The following SRRM4 variants were observed in gnomAD, a reference collection of about 807,000 sequenced individuals.
SRRM4 encodes the protein serine/arginine repetitive matrix 4, also known as serine/arginine repetitive matrix protein 4.
In SRRM4, 33 loss-of-function variants were observed where a neutral mutation model predicts 68.9. The ratio of observed to expected loss-of-function variants is 0.48; its 90% CI spans 0.36 to 0.64. SRRM4 has a LOEUF of 0.64. SRRM4 is among the 30% of genes least tolerant of loss of function. The probability of loss-of-function intolerance (pLI) is 0.00; values close to 1 mark genes in which losing one functional copy is unlikely to be tolerated. For synonymous variants in SRRM4, 318 were observed against 318.8 expected, an observed-to-expected ratio of 1.00 and a Z score of 0.03; for missense variants, 817 against 827.1, an observed-to-expected ratio of 0.99 and a Z score of 0.15.
At chr12:119,136,312 AGGT>A (rs1408133496) in intron 8 of SRRM4, among the ~76,000 whole-genome samples, 1 of 152,226 alleles carries the variant, frequency 6.6e-6, no homozygotes, top group African/African-American at 2.4e-5. Flanking sequence ...CCCCTAGTCC[AGGT>A]GCTTGCACAT....
At chr12:119,134,340 T>C (rs1954315412) in intron 8 of SRRM4, among the ~76,000 whole-genome samples, 1 of 140,126 alleles carries the variant, frequency 7.1e-6, no homozygotes, top group South Asian at 2.3e-4. Context: ...TTATCTTCAC[T>C]CCACCATCTC....
chr12:118,987,033 G>C (rs1479739989), intron 1 of SRRM4, among the ~76,000 whole-genome samples: 1 of 152,166 alleles, frequency 6.6e-6, no homozygotes, highest in Non-Finnish European at 1.5e-5. Context: ...TTTCGCTGAA[G>C]TGTGAGAGAA....
intron 1 of SRRM4, among the ~76,000 whole-genome samples, chr12:119,010,012 T>C (rs1310548718): frequency 6.6e-6 from 1 of 152,202 alleles, no homozygotes; most frequent in Non-Finnish European, 1.5e-5. Context: ...TGTATTTTCT[T>C]TGTATGGGAA....
At chr12:119,075,766 GAT>G (rs1953907884) in intron 1 of SRRM4, among the ~76,000 whole-genome samples, 1 of 47,878 alleles carries the variant, frequency 2.1e-5, no homozygotes. Flanking sequence ...TGATGGTGAT[GAT>G]GGTGGTGATG....
chr12:119,034,297 C>T (rs1360501310), intron 1 of SRRM4, among the ~76,000 whole-genome samples: 1 of 152,204 alleles, frequency 6.6e-6, no homozygotes, highest in Non-Finnish European at 1.5e-5. Flanking sequence ...TGGCTTTGGC[C>T]TCTTCAGTGG....
At chr12:119,030,387 C>T (rs1460154644) in intron 1 of SRRM4, among the ~76,000 whole-genome samples, 1 of 152,166 alleles carries the variant, frequency 6.6e-6, no homozygotes, top group African/African-American at 2.4e-5. Context: ...CCCAGGAAAT[C>T]AGGCAGAGTG....
rs747326597 is a variant in SRRM4 at position 119,138,397 on chromosome 12, C to T, written c.772-6984C>T. 1.9e-4 allele frequency among the ~76,000 whole-genome samples: 29 copies of T among 152,124 alleles called. 1 individual carries two copies. Among genetic ancestry groups the T allele is most frequent in the South Asian group, 2.1e-4 (1 of 4,814 alleles). On this transcript the variant is annotated intron_variant, in intron 8 of 12. Transcript: ENST00000267260. ...GATCCTCACCCTCTGCACTTCGGGG[C>T]GCATGGCTGACTTCCAGCTTCCAGA...
chr12:119,056,534 C>G (rs1953777766), intron 1 of SRRM4, among the ~76,000 whole-genome samples: 1 of 152,192 alleles, frequency 6.6e-6, no homozygotes, highest in East Asian at 1.9e-4. Context: ...AACCTGGTGC[C>G]TGCCCACCTC....
At chr12:119,073,298 T>C (rs1953888899) in intron 1 of SRRM4, among the ~76,000 whole-genome samples, 1 of 129,246 alleles carries the variant, frequency 7.7e-6, no homozygotes, top group African/African-American at 3.1e-5. Context: ...TCTCTATTTC[T>C]CTCTCTCTCT....
intron 1 of SRRM4, among the ~76,000 whole-genome samples, chr12:119,023,820 C>T (rs1297198659): frequency 1.3e-5 from 2 of 152,142 alleles, no homozygotes; most frequent in African/African-American, 4.8e-5. Flanking sequence ...TTGTTTCAGA[C>T]CCAACATATA....
In SRRM4 at chr12:119,161,216, G is replaced by A. The variant is rs1379071208; in HGVS notation, c.*4418G>A. On this transcript the variant is annotated 3_prime_UTR_variant, in exon 13 of 13. Transcript: ENST00000267260. Reference sequence around the variant, plus strand: ...GTTCAAAATGGTCTCATGCGCATGTGTCTTGCCCCACTTTCCCCTTTAGCT... The same window carrying A: ...GTTCAAAATGGTCTCATGCGCATGTATCTTGCCCCACTTTCCCCTTTAGCT... The A allele has an allele frequency of 6.6e-6, 1 of 152,154 alleles. No individual in the cohort carries two copies. The highest frequency in any genetic ancestry group is 2.4e-5 in the African/African-American group (1 of 41,410). The allele number at this position is 152,154 out of a possible 1,614,324, so 9.4% of individuals were successfully genotyped here.
At chr12:119,037,920 T>C (rs564904055) in intron 1 of SRRM4, among the ~76,000 whole-genome samples, 24 of 152,348 alleles carry the variant, frequency 1.6e-4, no homozygotes, top group African/African-American at 5.3e-4. Context: ...TAATATTCTC[T>C]GCTGAGCCAG....
At chr12:119,098,977 G>A (rs11064661) in intron 1 of SRRM4, among the ~76,000 whole-genome samples, 32,153 of 151,994 alleles carry the variant, frequency 0.21, 4,092 homozygotes, top group Non-Finnish European at 0.28. Flanking sequence ...AATCACTAGA[G>A]TGATCGTTCT....
At chr12:119,110,955 T>A (rs1236340284) in intron 2 of SRRM4, among the ~76,000 whole-genome samples, 2 of 152,310 alleles carry the variant, frequency 1.3e-5, no homozygotes, top group South Asian at 4.1e-4. Flanking sequence ...CCTTGGAACC[T>A]CCTCACCACT....
intron 1 of SRRM4, among the ~76,000 whole-genome samples, chr12:119,009,114 T>C (rs1309383625): frequency 1.3e-5 from 2 of 151,954 alleles, no homozygotes; most frequent in African/African-American, 2.4e-5. Flanking sequence ...GTAGACACAA[T>C]CATTAGCAAA....
At chr12:119,119,780 C>T (rs1417692300) in intron 4 of SRRM4, among the ~76,000 whole-genome samples, 1 of 151,820 alleles carries the variant, frequency 6.6e-6, no homozygotes, top group Non-Finnish European at 1.5e-5. Context: ...AGGAGGAATG[C>T]ACAACAAGGG....
chr12:119,035,035 A>G (rs1953617739), intron 1 of SRRM4, among the ~76,000 whole-genome samples: 2 of 152,152 alleles, frequency 1.3e-5, no homozygotes, highest in Admixed American at 6.5e-5. Context: ...CTCTCACTAT[A>G]TGAACTATAC....
rs530740205 is a variant in SRRM4 at position 119,071,774 on chromosome 12, C to T, written c.132-30462C>T. On this transcript the variant is annotated intron_variant, in intron 1 of 12. Transcript: ENST00000267260. ...ATGGCAGCTGTGAGATTCATCATGC[C>T]GCACGCCGTTGTCACTGTTGTTACT... 2.2e-4 allele frequency among the ~76,000 whole-genome samples: 34 copies of T among 152,258 alleles called. No homozygotes were observed. The South Asian group carries it at 6.2e-3, about 28-fold the overall frequency.
chr12:119,104,422 GATA>G (rs1336406970), intron 2 of SRRM4, among the ~76,000 whole-genome samples: 5 of 149,852 alleles, frequency 3.3e-5, no homozygotes, highest in East Asian at 3.9e-4. Context: ...CAATAATGAT[GATA>G]ATAATAATAA....
Sources: allele counts gnomAD v4.1 joint callset (sites outside exome capture counted in the v4.1 genomes callset), GRCh38; gene constraint gnomAD v4.1.1; transcripts MANE v1.5; gene names NCBI Gene and HGNC (gene_info 2026-07-23, HGNC 2026-07-21).